The following USP32 variants were observed in gnomAD, a reference collection of about 807,000 sequenced individuals.
USP32 encodes ubiquitin specific peptidase 32.
In USP32, 59 loss-of-function variants were observed where a neutral mutation model predicts 204.8. That is an observed-to-expected ratio of 0.29 (90% CI 0.23 to 0.36). The LOEUF is 0.36. Ranked by LOEUF, USP32 falls within the 10% of genes least tolerant of loss-of-function variation. The pLI is 1.00. For missense variants in USP32, 1,160 were observed against 1,946.4 expected (o/e 0.60, Z 7.60); for synonymous variants, 517 against 678.4 (o/e 0.76, Z 3.70).
intron 12 of USP32, among the ~76,000 whole-genome samples, chr17:60,234,054 A>G (rs776761178): frequency 5.9e-5 from 9 of 151,804 alleles, no homozygotes; most frequent in Non-Finnish European, 1.2e-4. Flanking sequence ...GGCTCAAGCA[A>G]TCCTCCCACC....
upstream of USP32, among the ~76,000 whole-genome samples, chr17:60,395,582 A>G (rs1472946087): frequency 1.3e-5 from 2 of 152,238 alleles, no homozygotes; most frequent in Non-Finnish European, 2.9e-5. Context: ...AAGGAATTCT[A>G]TTAATCGTTT....
chr17:60,269,856 A>G (rs992501278), intron 6 of USP32, among the ~76,000 whole-genome samples: 6 of 152,198 alleles, frequency 3.9e-5, no homozygotes, highest in African/African-American at 7.2e-5. Flanking sequence ...ATAAATAAAA[A>G]TTAAAAACCA....
At chr17:60,183,744 G>T (rs2084175144) in intron 30 of USP32, among the ~76,000 whole-genome samples, 1 of 152,162 alleles carries the variant, frequency 6.6e-6, no homozygotes, top group Non-Finnish European at 1.5e-5. Context: ...GTCCACAAAG[G>T]CTTAGCCTAA....
chr17:60,182,793 TA>T (rs998084401), intron 31 of USP32, among the ~76,000 whole-genome samples: 3,368 of 148,138 alleles, frequency 0.023, 119 homozygotes, highest in African/African-American at 0.077. Flanking sequence ...TAAAATAAAT[TA>T]AAAAAAAAAG....
At chr17:60,233,723 C>T (rs999013364) in intron 12 of USP32, among the ~76,000 whole-genome samples, 1 of 152,140 alleles carries the variant, frequency 6.6e-6, no homozygotes, top group African/African-American at 2.4e-5. Context: ...TGTTATTAGT[C>T]AACTTACATT....
At chr17:60,187,309 AG>A (rs1467716941) in intron 29 of USP32, among the ~76,000 whole-genome samples, 4 of 152,228 alleles carry the variant, frequency 2.6e-5, no homozygotes, top group Non-Finnish European at 4.4e-5. Context: ...TCATTTAAAA[AG>A]GGGAACTTAG....
chr17:60,268,642 G>A (rs376610860), intron 7 of USP32, among the ~76,000 whole-genome samples: 4 of 150,230 alleles, frequency 2.7e-5, no homozygotes, highest in Admixed American at 6.6e-5. Context: ...AATTGTAATG[G>A]AAACAACCAA....
intron 2 of USP32, among the ~76,000 whole-genome samples, chr17:60,323,690 T>G (rs1175161748): frequency 6.6e-6 from 1 of 152,222 alleles, no homozygotes; most frequent in Non-Finnish European, 1.5e-5. Context: ...GTAACAAAGT[T>G]GGTTAAACAC....
intron 1 of USP32, among the ~76,000 whole-genome samples, chr17:60,380,326 G>A (rs1455935505): frequency 6.6e-6 from 1 of 152,158 alleles, no homozygotes; most frequent in Non-Finnish European, 1.5e-5. Context: ...CAACACTTTG[G>A]GAGGCTGTGG....
chr17:60,257,249 G>C (rs555152236), intron 9 of USP32, among the ~76,000 whole-genome samples: 1 of 152,244 alleles, frequency 6.6e-6, no homozygotes, highest in East Asian at 1.9e-4. Flanking sequence ...TCTGGGATTG[G>C]CAGATGACTG....
At position 60,403,017 on chromosome 17, in the gene USP32, TC is replaced by T. The variant is rs568224781; in HGVS notation, c.106+19228del. Among the ~76,000 whole-genome samples the T allele has an allele frequency of 3.7e-3, 556 of 151,430 alleles. 2 individuals are homozygous for T. The highest frequency in any genetic ancestry group is 5.6e-3 in the Non-Finnish European group (378 of 67,798). On this transcript the variant is annotated intron_variant, in intron 1 of 3. Transcript: ENST00000588898. ...GTGTAGTGGGCGGGTAAGCCGTATC[TC>T]TGTTTTTTTTTTGAGACGGAGTCTC...
At chr17:60,362,772 A>C (rs927218088) in intron 1 of USP32, among the ~76,000 whole-genome samples, 8 of 152,314 alleles carry the variant, frequency 5.3e-5, no homozygotes, top group African/African-American at 1.9e-4. Flanking sequence ...AGCTATCAAA[A>C]ATGTGGTACT....
At chr17:60,367,337 GTC>G (rs2089338063) in intron 1 of USP32, among the ~76,000 whole-genome samples, 2 of 152,122 alleles carry the variant, frequency 1.3e-5, no homozygotes, top group African/African-American at 4.8e-5. Context: ...ATGAGACCTT[GTC>G]TCTACTAAAA....
chr17:60,392,307 G>A (rs916536842), upstream of USP32: 6 of 344,918 alleles, frequency 1.7e-5, no homozygotes, highest in Admixed American at 5.1e-5. Context: ...CGGCCGCCCA[G>A]GGCCGCACGC....
Position 60,208,752 on chromosome 17 carries a change from T to G in USP32, c.2675A>C (p.Lys892Thr), listed in dbSNP as rs2084892870. The part of the protein sequence containing the change: ...LFHGQLRSQV[K>T]CKTCGHISVR... The stretch of plus-strand genomic sequence containing the variant: ...ACTTATATGCCCACATGTCTTGCAT[T>G]TTACTTGAGATCTTAGCTGCCCATG... The change falls in exon 23 of 34, where the codon AAA becomes ACA. Residue 892 changes from lysine (K) to threonine (T), a missense_variant. By Grantham distance (78) the Lys-to-Thr change is moderately conservative. Around this residue, in one of 8 missense-constraint regions of USP32, gnomAD observed 132 missense variants for 432.8 expected, o/e 0.30. Coordinates refer to ENST00000300896, the MANE Select transcript of USP32 (RefSeq NM_032582.4). 6.2e-7 allele frequency: 1 copy of G among 1,605,038 alleles called. No individual in the cohort carries two copies. The highest frequency in any genetic ancestry group is 1.1e-5 in the South Asian group (1 of 88,970).
At chr17:60,207,212 A>C in intron 24 of USP32, 80 bp from the exon 25 acceptor site, 1 of 1,511,186 alleles carries the variant, frequency 6.6e-7, no homozygotes, top group Non-Finnish European at 8.9e-7. Flanking sequence ...ATATTTCAAA[A>C]GAATGTCTTA....
intron 11 of USP32, among the ~76,000 whole-genome samples, chr17:60,248,646 T>C (rs2086095342): frequency 6.6e-6 from 1 of 152,234 alleles, no homozygotes; most frequent in Non-Finnish European, 1.5e-5. Flanking sequence ...TCTATTTGAT[T>C]CTGTTTTAAA....
At chr17:60,391,076 G>C (rs1379850146) in intron 1 of USP32, among the ~76,000 whole-genome samples, 1 of 152,174 alleles carries the variant, frequency 6.6e-6, no homozygotes, top group Non-Finnish European at 1.5e-5. Flanking sequence ...CAGCAGGCCG[G>C]GACTGGCAGC....
chr17:60,304,054 T>C (rs1163866554), intron 2 of USP32, among the ~76,000 whole-genome samples: 5 of 152,030 alleles, frequency 3.3e-5, no homozygotes, highest in Non-Finnish European at 7.4e-5. Context: ...ACCACAGATA[T>C]TAAGAAGTTC....
Sources: allele counts gnomAD v4.1 joint callset (sites outside exome capture counted in the v4.1 genomes callset), GRCh38; gene constraint gnomAD v4.1.1; regional missense constraint gnomAD v4.1.1; transcripts MANE v1.5; gene names NCBI Gene and HGNC (gene_info 2026-07-23, HGNC 2026-07-21).